The following CORO7 variants were observed in gnomAD, a reference collection of about 807,000 sequenced individuals.
The protein encoded by CORO7 is coronin-7.
Under a neutral mutation model 126.6 loss-of-function variants are expected in CORO7, and 107 were observed. The observed-to-expected ratio is 0.85, with a 90% confidence interval of 0.72 to 0.99. The LOEUF (loss-of-function observed/expected upper bound fraction) is 0.99, where lower values mean the gene tolerates loss of function less well. Ranked by LOEUF, CORO7 falls within the 50% of genes least tolerant of loss-of-function variation. The pLI is 0.00. For synonymous variants in CORO7, 603 were observed against 536.8 expected (o/e 1.12, Z -1.70); for missense variants, 1,314 against 1,255.8 (o/e 1.05, Z -0.70).
intron 9 of CORO7, among the ~76,000 whole-genome samples, chr16:4,379,092 T>TG (rs1455223230): frequency 6.6e-6 from 1 of 151,942 alleles, no homozygotes; most frequent in East Asian, 1.9e-4. Context: ...CCCACGTACC[T>TG]GGGGGAGAGG....
intron 9 of CORO7, among the ~76,000 whole-genome samples, chr16:4,375,037 C>T (rs1246856254): frequency 6.6e-6 from 1 of 152,118 alleles, no homozygotes; most frequent in Non-Finnish European, 1.5e-5. Flanking sequence ...TGGCCCATTT[C>T]TAGTTGGGCT....
intron 9 of CORO7, chr16:4,380,723 G>A (rs937396892): frequency 3.0e-5 from 26 of 855,198 alleles, no homozygotes; most frequent in African/African-American, 1.7e-4. Context: ...AACCTGGGTC[G>A]GGGCACTGGC....
intron 25 of CORO7, 123 bp downstream of exon 25, chr16:4,357,845 C>T (rs1304025805): frequency 6.8e-7 from 1 of 1,478,042 alleles, no homozygotes; most frequent in African/African-American, 1.4e-5. Flanking sequence ...GACACAGCCA[C>T]TCCACCCTCC....
At chr16:4,364,519 G>T (rs1196606799) in intron 13 of CORO7, 78 bp downstream of exon 13, 2 of 1,503,504 alleles carry the variant, frequency 1.3e-6, no homozygotes, top group African/African-American at 1.4e-5. Context: ...CAGCAGGCCA[G>T]ACTGAGTTGG....
At chr16:4,380,413 G>C (rs113620827) in intron 9 of CORO7, among the ~76,000 whole-genome samples, 1 of 152,248 alleles carries the variant, frequency 6.6e-6, no homozygotes, top group Admixed American at 6.5e-5. Flanking sequence ...GAGCGTGGCA[G>C]CAGGAGCCGG....
At chr16:4,382,617 C>T (rs758875070) in intron 9 of CORO7, 33 of 1,577,368 alleles carry the variant, frequency 2.1e-5, no homozygotes, top group South Asian at 3.5e-5. Flanking sequence ...TCATTGCGCC[C>T]GCCCTGGCCG....
rs992149312 is a variant in CORO7, at chr16:4,358,559, C to T, written c.2341-76G>A. Reference sequence around the variant, plus strand: ...TGGGCACGTAGTCTCCCCAGGGTGCCGGCACCCCTCACTTAGGACCACCAT... The same window carrying T: ...TGGGCACGTAGTCTCCCCAGGGTGCTGGCACCCCTCACTTAGGACCACCAT... On this transcript the variant is annotated intron_variant, in intron 23 of 27. Transcript: ENST00000251166. The T allele has an allele frequency of 1.6e-5, 23 of 1,419,190 alleles. 1 individual carries two copies. Among genetic ancestry groups the T allele is most frequent in the Non-Finnish European group, 2.2e-5 (23 of 1,064,898 alleles). The allele number at this position is 1,419,190 out of a possible 1,614,324, so 87.9% of individuals were successfully genotyped here.
At chr16:4,383,905 T>G (rs760027524) in intron 9 of CORO7, among the ~76,000 whole-genome samples, 1 of 152,152 alleles carries the variant, frequency 6.6e-6, no homozygotes, top group Non-Finnish European at 1.5e-5. Context: ...GGCCCTGGGC[T>G]CTCTCATTCC....
At position 4,358,168 on chromosome 16, in the gene CORO7, T is replaced by C. The variant is rs2054040971; in HGVS notation, c.2458-65A>G. 26 of 1,575,638 alleles carry C rather than the reference T, an allele frequency of 1.7e-5. No individual in the cohort carries two copies. The South Asian group carries it at 2.1e-4, about 12-fold the overall frequency. ...GGTGCCCAGGGCACACGGGCATCTG[T>C]TGGGGAGGGACAGGGCAAGACCTGG... On this transcript the variant is annotated intron_variant, in intron 24 of 27. Transcript: ENST00000251166.
rs201607278 is a variant in CORO7, at chr16:4,358,037, C to T, written c.2524G>A (p.Glu842Lys). The T allele has an allele frequency of 4.2e-5, 67 of 1,613,390 alleles. No homozygotes were observed. The highest frequency in any genetic ancestry group is 5.3e-5 in the African/African-American group (4 of 75,050). The change falls in exon 25 of 28, where the codon GAG (glutamate) becomes AAG (lysine). Residue 842 changes from glutamate (E) to lysine (K), a missense_variant. By Grantham distance (56) the Glu-to-Lys change is moderately conservative. Transcript: ENST00000251166. Reference protein sequence around the residue: ...AVIWEPVLSAEAWLQGANGQP... With the variant: ...AVIWEPVLSAKAWLQGANGQP... The stretch of plus-strand genomic sequence containing the variant: ...CCATTAGCGCCTTGCAGCCAGGCCT[C>T]GGCACTGAGCACAGGCTCCCAGATC...
At chr16:4,402,050 T>G (rs1370556426) in intron 6 of CORO7, among the ~76,000 whole-genome samples, 1 of 151,912 alleles carries the variant, frequency 6.6e-6, no homozygotes, top group African/African-American at 2.4e-5. Context: ...GTTATTCTCT[T>G]GCCACAGCCT....
intron 10 of CORO7, 35 bp from the exon 11 acceptor site, chr16:4,365,095 C>T: frequency 1.3e-6 from 2 of 1,570,420 alleles, no homozygotes; most frequent in East Asian, 2.4e-5. Context: ...CGTTTGCTGA[C>T]TGAACCCCTG....
At chr16:4,401,520 C>T (rs192624242) in intron 6 of CORO7, among the ~76,000 whole-genome samples, 1 of 152,330 alleles carries the variant, frequency 6.6e-6, no homozygotes, top group Admixed American at 6.5e-5. Flanking sequence ...AACTCCACTA[C>T]TCCACACCTC....
At chr16:4,405,001 C>T (rs1221128848) in intron 6 of CORO7, among the ~76,000 whole-genome samples, 4 of 152,180 alleles carry the variant, frequency 2.6e-5, no homozygotes, top group Non-Finnish European at 5.9e-5. Flanking sequence ...GTCCTGGCCC[C>T]GATCCCTGCC....
intron 23 of CORO7, chr16:4,358,981 T>TA (rs2054070699): frequency 2.3e-6 from 1 of 433,826 alleles, no homozygotes; most frequent in Non-Finnish European, 4.1e-6. Context: ...CTTGCTATGT[T>TA]GCCCAGGCTG....
rs941778178 is a variant in CORO7, at chr16:4,379,630, C to T, written c.785+8356G>A. ...GGGCTACCTGAGGTGACGGTAAACACTTAGTGTTCCTTCGTCCTTCCCACT... is the reference window on the plus strand; with the variant it reads ...GGGCTACCTGAGGTGACGGTAAACATTTAGTGTTCCTTCGTCCTTCCCACT... On this transcript the variant is annotated intron_variant, in intron 9 of 27. Coordinates refer to ENST00000251166, the MANE Select transcript of CORO7 (RefSeq NM_024535.5). Among the ~76,000 whole-genome samples the T allele has an allele frequency of 7.2e-5, 11 of 152,202 alleles. No individual in the cohort carries two copies. In the East Asian group the frequency reaches 1.2e-3, roughly 16 times the overall value.
intron 9 of CORO7, among the ~76,000 whole-genome samples, chr16:4,375,484 C>G (rs1464297041): frequency 2.0e-5 from 3 of 151,730 alleles, no homozygotes; most frequent in African/African-American, 7.3e-5. Context: ...GGGTCTCACT[C>G]CTAGACATTC....
chr16:4,399,751 C>T (rs1322645731), intron 6 of CORO7, among the ~76,000 whole-genome samples: 3 of 151,742 alleles, frequency 2.0e-5, no homozygotes, highest in African/African-American at 2.4e-5. Flanking sequence ...AGTAGCTGGG[C>T]GTGGTGGCAC....
chr16:4,358,320 G>A, intron 24 of CORO7, 47 bp downstream of exon 24: 1 of 1,597,128 alleles, frequency 6.3e-7, no homozygotes. Context: ...TCCCCTCTAG[G>A]CACCGAGAAG....
Sources: gnomAD v4.1 joint callset for allele counts (sites outside exome capture counted in the v4.1 genomes callset) on GRCh38, gnomAD v4.1.1 for gene constraint, MANE v1.5 for transcripts, NCBI Gene and HGNC (gene_info 2026-07-23, HGNC 2026-07-21) for gene names.